SLC44A3: variants seen among roughly 807,000 people sequenced by gnomAD.
SLC44A3 encodes the protein choline transporter-like protein 3.
Under a neutral mutation model 75.4 loss-of-function variants are expected in SLC44A3, and 74 were observed. The observed-to-expected ratio is 0.98, with a 90% CI of 0.81 to 1.19. The LOEUF (loss-of-function observed/expected upper bound fraction) is 1.19, where lower values mean the gene tolerates loss of function less well. Ranked by LOEUF, SLC44A3 falls within the 50% of genes most tolerant of loss-of-function variation. The probability of loss-of-function intolerance (pLI) is 0.00; values close to 1 mark genes in which losing one functional copy is unlikely to be tolerated. For missense variants in SLC44A3, 700 were observed against 778.6 expected (o/e 0.90, Z 1.20); for synonymous variants, 310 against 296.9 (o/e 1.04, Z -0.45).
intron 11 of SLC44A3, 23 bp downstream of exon 11, chr1:94,864,922 A>T: frequency 1.9e-6 from 3 of 1,609,658 alleles, no homozygotes; most frequent in Non-Finnish European, 2.5e-6. Flanking sequence ...CCTGATACAC[A>T]GCACGTTCTG....
chr1:94,845,275 C>T lies in SLC44A3; in HGVS notation c.886-3C>T, dbSNP rs1192522702. ...TAATTTACTCAAATCCCTTTCTCAC[C>T]AGGCAGTGCTGCTCGTCTTGATTTT... On this transcript the variant is annotated splice_polypyrimidine_tract_variant and splice_region_variant and intron_variant, in intron 8 of 14. Coordinates refer to ENST00000271227, the MANE Select transcript of SLC44A3 (RefSeq NM_001114106.3). 2 of 1,593,054 alleles carry T rather than the reference C, an allele frequency of 1.3e-6. No homozygotes were observed. Among genetic ancestry groups the T allele is most frequent in the Non-Finnish European group, 1.7e-6 (2 of 1,169,940 alleles).
chr1:94,835,708 A>G (rs1557814425), intron 5 of SLC44A3, among the ~76,000 whole-genome samples: 1 of 152,098 alleles, frequency 6.6e-6, no homozygotes. Context: ...CTGGCGTCTC[A>G]TTTTGGAGTA....
At chr1:94,824,370 C>A (rs115886860) in intron 2 of SLC44A3, 123 bp from the exon 3 acceptor site, 16 of 1,171,250 alleles carry the variant, frequency 1.4e-5, no homozygotes, top group Non-Finnish European at 1.6e-5. Context: ...CGGAGCAAAG[C>A]GCTATGATGC....
chr1:94,854,980 G>A (rs3849303), intron 9 of SLC44A3, among the ~76,000 whole-genome samples: 18,423 of 151,968 alleles, frequency 0.12, 1,210 homozygotes, highest in Middle Eastern at 0.2. Context: ...ACAAATAGAA[G>A]ATGGCTTTGA....
intron 9 of SLC44A3, among the ~76,000 whole-genome samples, chr1:94,854,718 G>GT (rs1188183594): frequency 6.7e-6 from 1 of 149,704 alleles, no homozygotes; most frequent in Non-Finnish European, 1.5e-5. Flanking sequence ...TGGTTCTCAA[G>GT]CCCCCCGCGC....
chr1:94,842,945 T>A (rs1185182132), intron 8 of SLC44A3, among the ~76,000 whole-genome samples: 1 of 152,232 alleles, frequency 6.6e-6, no homozygotes, highest in Non-Finnish European at 1.5e-5. Context: ...GTTTTGGGTT[T>A]GTGATCTTCA....
At position 94,892,269 on chromosome 1, in the gene SLC44A3, T is replaced by G; in HGVS notation, c.1621-12T>G. 1 of 1,602,628 alleles carries G rather than the reference T, an allele frequency of 6.2e-7. No homozygotes were observed. The highest frequency in any genetic ancestry group is 8.5e-7 in the Non-Finnish European group (1 of 1,175,652). ...TTCATAAAGATTTTCAACAAACTCT[T>G]CTTTTGCACAGGTGTTAGTGGTGTG... On this transcript the variant is annotated splice_polypyrimidine_tract_variant and intron_variant, in intron 13 of 14. Coordinates refer to ENST00000271227, the MANE Select transcript of SLC44A3 (RefSeq NM_001114106.3).
chr1:94,876,088 A>T (rs1668251763), intron 12 of SLC44A3, among the ~76,000 whole-genome samples: 1 of 152,224 alleles, frequency 6.6e-6, no homozygotes, highest in South Asian at 2.1e-4. Context: ...TATTGTGTGC[A>T]GTGGACACCA....
At chr1:94,820,888 G>A (rs1034101533) in intron 1 of SLC44A3, 61 bp from the exon 2 acceptor site, 4 of 1,462,692 alleles carry the variant, frequency 2.7e-6, no homozygotes, top group Admixed American at 4.5e-5. Context: ...ATTTGGGTTC[G>A]GTTTCCAGGT....
At chr1:94,846,219 C>G (rs1293840416) in intron 9 of SLC44A3, among the ~76,000 whole-genome samples, 2 of 151,966 alleles carry the variant, frequency 1.3e-5, no homozygotes, top group African/African-American at 4.8e-5. Context: ...GTTCACATGC[C>G]TTGGTCCTGA....
At chr1:94,880,613 T>C (rs1668852655) in intron 12 of SLC44A3, among the ~76,000 whole-genome samples, 1 of 152,108 alleles carries the variant, frequency 6.6e-6, no homozygotes, top group South Asian at 2.1e-4. Context: ...AATGTAGTAG[T>C]CAAAATACTG....
chr1:94,882,868 AT>A (rs1399545222), intron 12 of SLC44A3, among the ~76,000 whole-genome samples: 1 of 149,738 alleles, frequency 6.7e-6, no homozygotes, highest in Non-Finnish European at 1.5e-5. Context: ...CCAATTCCTC[AT>A]TGGTGAAATA....
intron 12 of SLC44A3, among the ~76,000 whole-genome samples, chr1:94,873,193 T>A (rs992625703): frequency 6.6e-6 from 1 of 152,218 alleles, no homozygotes; most frequent in Non-Finnish European, 1.5e-5. Flanking sequence ...TGGGCTATCA[T>A]GCAAGATAGC....
chr1:94,856,550 G>T (rs922900724), intron 9 of SLC44A3, among the ~76,000 whole-genome samples: 3 of 152,184 alleles, frequency 2.0e-5, no homozygotes, highest in African/African-American at 7.2e-5. Flanking sequence ...GGTGAAGTAG[G>T]ATTCTATAAT....
In SLC44A3 at chr1:94,824,479, C is replaced by T. The variant is rs1571147027; in HGVS notation, c.136-14C>T. Reference sequence around the variant, plus strand: ...CCCTTTGGCCAGGCTCTCATATGCCCCCGTTTTTGCCAGGTGTTTATCATG... The same window carrying T: ...CCCTTTGGCCAGGCTCTCATATGCCTCCGTTTTTGCCAGGTGTTTATCATG... On this transcript the variant is annotated splice_polypyrimidine_tract_variant and intron_variant, in intron 2 of 14. Transcript: ENST00000271227. 1.3e-6 allele frequency: 2 copies of T among 1,585,186 alleles called. No individual in the cohort carries two copies. Among genetic ancestry groups the T allele is most frequent in the Non-Finnish European group, 1.7e-6 (2 of 1,168,934 alleles).
intron 9 of SLC44A3, among the ~76,000 whole-genome samples, chr1:94,850,375 C>T (rs374509376): frequency 1.1e-4 from 17 of 152,278 alleles, no homozygotes; most frequent in African/African-American, 4.1e-4. Context: ...CTCAGATGAC[C>T]TGGTCACCTC....
chr1:94,820,537 C>T (rs960555801), intron 1 of SLC44A3, 59 bp downstream of exon 1: 424 of 1,466,216 alleles, frequency 2.9e-4, no homozygotes, highest in Admixed American at 9.7e-4. Context: ...TCGAGTCCCC[C>T]GCCTTCACGC....
rs188713265 is a variant in SLC44A3, at chr1:94,870,802, C to A, written c.1482+3385C>A. Among the ~76,000 whole-genome samples the A allele has an allele frequency of 3.2e-3, 491 of 152,248 alleles. 1 individual carries two copies. Among genetic ancestry groups the A allele is most frequent in the African/African-American group, 0.011 (459 of 41,550 alleles). ...GGTTCAAGTGATTCTCCTGCCTTAT[C>A]CTCCGGAGTAGCTGGGACTACAGGC... On this transcript the variant is annotated intron_variant, in intron 12 of 14. Coordinates refer to ENST00000271227, the MANE Select transcript of SLC44A3 (RefSeq NM_001114106.3).
rs929672766 is a variant in SLC44A3, at chr1:94,894,926, C to A, written c.*4C>A. The A allele has an allele frequency of 1.2e-6, 2 of 1,601,094 alleles. No homozygotes were observed. Among genetic ancestry groups the A allele is most frequent in the Non-Finnish European group, 1.7e-6 (2 of 1,171,118 alleles). On this transcript the variant is annotated 3_prime_UTR_variant, in exon 15 of 15. Transcript: ENST00000271227. ...ACTCCAGGCCATTGTGAGATAGATA[C>A]CCATTTAGGTATCTGTACCTGGAAA...
Sources: allele counts gnomAD v4.1 joint callset (sites outside exome capture counted in the v4.1 genomes callset), GRCh38; gene constraint gnomAD v4.1.1; transcripts MANE v1.5; gene names NCBI Gene and HGNC (gene_info 2026-07-23, HGNC 2026-07-21).